The following SERINC5 variants were observed in gnomAD, a reference collection of about 807,000 sequenced individuals.
SERINC5 encodes chromosome 5 open reading frame 12.
Under a neutral mutation model 63.1 loss-of-function variants are expected in SERINC5, and 41 were observed. The observed-to-expected ratio is 0.65, with a 90% confidence interval of 0.51 to 0.84. SERINC5 has a LOEUF of 0.84. Among genes scored for constraint, SERINC5 ranks in the 40% least tolerant of loss-of-function variants. The pLI, the probability that SERINC5 is intolerant of heterozygous loss-of-function variation, is 0.00. For synonymous variants in SERINC5, 222 were observed against 215.2 expected, an observed-to-expected ratio of 1.03 and a Z score of -0.28; for missense variants, 523 against 573.0, an observed-to-expected ratio of 0.91 and a Z score of 0.89.
chr5:80,233,805 C>CCTTTTTTTTTTTTTT lies in SERINC5; in HGVS notation c.27+22090_27+22091insAAAAAAAAAAAAAAG, dbSNP rs1554071351. 2.9e-5 allele frequency among the ~76,000 whole-genome samples: 2 copies of CCTTTTTTTTTTTTTT among 69,950 alleles called. 1 individual carries two copies. The allele number at this position is 69,950 out of a possible 152,430, so 45.9% of individuals were successfully genotyped here. ...TATTTTATAGATCTTTCAACTTTTA[C>CCTTTTTTTTTTTTTT]TTTTTTTTTTTTTTTTTTTTTTTTG... On this transcript the variant is annotated intron_variant, in intron 1 of 11. Coordinates refer to ENST00000507668, the MANE Select transcript of SERINC5 (RefSeq NM_001174072.3).
At chr5:80,230,742 G>C (rs1397621509) in intron 1 of SERINC5, among the ~76,000 whole-genome samples, 2 of 152,154 alleles carry the variant, frequency 1.3e-5, no homozygotes, top group Non-Finnish European at 2.9e-5. Flanking sequence ...CAGCTCCTTT[G>C]TGGTGAGCAC....
At chr5:80,148,366 T>A (rs1745960842) in intron 9 of SERINC5, among the ~76,000 whole-genome samples, 1 of 151,864 alleles carries the variant, frequency 6.6e-6, no homozygotes, top group Admixed American at 6.6e-5. Flanking sequence ...AATTTTGTAT[T>A]TTTAGTAGAG....
chr5:80,206,131 A>C (rs1354634081), intron 1 of SERINC5, among the ~76,000 whole-genome samples: 1 of 152,208 alleles, frequency 6.6e-6, no homozygotes, highest in Non-Finnish European at 1.5e-5. Flanking sequence ...AAATTACCAT[A>C]AACTGCAGAT....
intron 1 of SERINC5, among the ~76,000 whole-genome samples, chr5:80,233,603 T>C (rs1170824660): frequency 6.6e-6 from 1 of 151,422 alleles, no homozygotes; most frequent in South Asian, 2.1e-4. Flanking sequence ...AACTAGGACT[T>C]TTTTTTTGAA....
chr5:80,164,237 C>T (rs984137556), intron 7 of SERINC5, among the ~76,000 whole-genome samples: 3 of 150,264 alleles, frequency 2.0e-5, no homozygotes, highest in African/African-American at 7.4e-5. Context: ...GGTCTTCTCT[C>T]TTCTTGGTTA....
At chr5:80,145,395 A>T (rs572241812) in intron 11 of SERINC5, among the ~76,000 whole-genome samples, 5 of 146,082 alleles carry the variant, frequency 3.4e-5, no homozygotes, top group Admixed American at 1.4e-4. Context: ...GGAGAAGGAT[A>T]CACATCCTAG....
chr5:80,158,572 G>A (rs1456122949), intron 8 of SERINC5: 2 of 401,716 alleles, frequency 5.0e-6, no homozygotes, highest in Non-Finnish European at 9.1e-6. Flanking sequence ...CCATATATTT[G>A]CTTTATTTAC....
chr5:80,130,082 T>C (rs555902378), intron 11 of SERINC5, among the ~76,000 whole-genome samples: 1 of 152,164 alleles, frequency 6.6e-6, no homozygotes, highest in South Asian at 2.1e-4. Context: ...TTCTTATTGG[T>C]TTATAAGAGC....
chr5:80,233,422 C>T (rs1751542450), intron 1 of SERINC5, among the ~76,000 whole-genome samples: 1 of 151,978 alleles, frequency 6.6e-6, no homozygotes, highest in Admixed American at 6.5e-5. Flanking sequence ...AGCAAAACTC[C>T]ATCTCAAAAA....
chr5:80,179,182 C>G (rs925180667), intron 2 of SERINC5, among the ~76,000 whole-genome samples: 32 of 152,036 alleles, frequency 2.1e-4, no homozygotes, highest in African/African-American at 6.3e-4. Flanking sequence ...GCCTGTAATC[C>G]CAGCTACTAG....
At chr5:80,127,178 C>T (rs1003006422) in intron 11 of SERINC5, among the ~76,000 whole-genome samples, 1 of 152,314 alleles carries the variant, frequency 6.6e-6, no homozygotes, top group African/African-American at 2.4e-5. Flanking sequence ...CACTTCATTG[C>T]ATCAGCCTTA....
chr5:80,209,276 A>G (rs560678340), intron 1 of SERINC5, among the ~76,000 whole-genome samples: 30 of 152,342 alleles, frequency 2.0e-4, no homozygotes, highest in African/African-American at 7.0e-4. Flanking sequence ...GTCTCAACGA[A>G]AAAGGTATTT....
chr5:80,159,700 T>A (rs1353196950), intron 7 of SERINC5, among the ~76,000 whole-genome samples: 2 of 152,066 alleles, frequency 1.3e-5, no homozygotes, highest in Admixed American at 1.3e-4. Context: ...TGGTAGTTGA[T>A]CACCAAGGGC....
Position 80,246,256 on chromosome 5 carries a change from T to C in SERINC5, c.27+9640A>G, listed in dbSNP as rs187720932. Among the ~76,000 whole-genome samples the C allele has an allele frequency of 1.1e-3, 160 of 152,144 alleles. No homozygotes were observed. The South Asian group carries it at 0.011, about 11-fold the overall frequency. ...ATTAGGAAATCAGCCCTCCATTAAATTGCTGAGACATAATGTGAGTGCAAA... is the reference window on the plus strand; with the variant it reads ...ATTAGGAAATCAGCCCTCCATTAAACTGCTGAGACATAATGTGAGTGCAAA... On this transcript the variant is annotated intron_variant, in intron 1 of 11. Transcript: ENST00000507668.
chr5:80,146,496 C>T (rs956090203), intron 10 of SERINC5, among the ~76,000 whole-genome samples: 6 of 152,014 alleles, frequency 3.9e-5, no homozygotes, highest in South Asian at 2.1e-4. Context: ...CTTTTTGCCC[C>T]GGCTGGAGTA....
At chr5:80,206,346 G>GAC (rs2112500157) in intron 1 of SERINC5, among the ~76,000 whole-genome samples, 1 of 152,270 alleles carries the variant, frequency 6.6e-6, no homozygotes, top group Non-Finnish European at 1.5e-5. Flanking sequence ...ATAATGGTAT[G>GAC]ACAGATCTTG....
At chr5:80,245,176 C>T (rs1010743075) in intron 1 of SERINC5, among the ~76,000 whole-genome samples, 2 of 151,976 alleles carry the variant, frequency 1.3e-5, no homozygotes, top group Non-Finnish European at 2.9e-5. Flanking sequence ...CTTTCCTTCT[C>T]GTACTACAGC....
rs1052118443 is a variant in SERINC5, at chr5:80,189,706, CTTTT to C, written c.196-11646_196-11643del. On this transcript the variant is annotated intron_variant, in intron 2 of 11. Coordinates refer to ENST00000507668, the MANE Select transcript of SERINC5 (RefSeq NM_001174072.3). Reference sequence around the variant, plus strand: ...AAGTGAGCCTCAAATCTGCTAGTTTCTTTTTTTTTCTTTTCTTTTAATAGAGAAG... The same window carrying C: ...AAGTGAGCCTCAAATCTGCTAGTTTCTTTTTCTTTTCTTTTAATAGAGAAG... 4.6e-5 allele frequency among the ~76,000 whole-genome samples: 7 copies of C among 151,564 alleles called. No individual in the cohort carries two copies. In the East Asian group the frequency reaches 1.4e-3, roughly 29 times the overall value.
At chr5:80,203,437 C>G (rs1212996604) in intron 1 of SERINC5, among the ~76,000 whole-genome samples, 4 of 151,406 alleles carry the variant, frequency 2.6e-5, no homozygotes, top group East Asian at 1.9e-4. Flanking sequence ...TGTGGGAGAT[C>G]AAGGTAAGAA....
Sources: gnomAD v4.1 joint callset for allele counts (sites outside exome capture counted in the v4.1 genomes callset) on GRCh38, gnomAD v4.1.1 for gene constraint, MANE v1.5 for transcripts, NCBI Gene and HGNC (gene_info 2026-07-23, HGNC 2026-07-21) for gene names.